QSOX2: variants seen among roughly 807,000 people sequenced by gnomAD.
QSOX2 encodes sulfhydryl oxidase 2.
A neutral mutation model predicts 61.7 loss-of-function variants in QSOX2; 46 were observed. That is an observed-to-expected ratio of 0.75 (90% CI 0.59 to 0.95). The LOEUF (loss-of-function observed/expected upper bound fraction) is 0.95. Ranked by LOEUF, QSOX2 falls within the 40% of genes least tolerant of loss-of-function variation. The pLI, the probability that QSOX2 is intolerant of heterozygous loss-of-function variation, is 0.00. For synonymous variants in QSOX2, 383 were observed against 388.4 expected (o/e 0.99, Z 0.16); for missense variants, 879 against 918.9 (o/e 0.96, Z 0.56).
intron 1 of QSOX2, among the ~76,000 whole-genome samples, chr9:136,233,668 G>A (rs1430106554): frequency 2.0e-5 from 3 of 152,240 alleles, no homozygotes; most frequent in Non-Finnish European, 4.4e-5. Context: ...GGTCGTGGAT[G>A]TGGTCAAAAG....
At chr9:136,212,405 C>T (rs771434477) in intron 10 of QSOX2, among the ~76,000 whole-genome samples, 4 of 152,244 alleles carry the variant, frequency 2.6e-5, no homozygotes, top group Admixed American at 6.5e-5. Flanking sequence ...GAGCTTCCCG[C>T]GTGAGTGCAG....
rs369297011 is a variant in QSOX2 at position 136,221,760 on chromosome 9, C to A, written c.821+36G>T. Reference sequence around the variant, plus strand: ...GGAGCCTCTGTCCGGTAACTCCGAGCGGCACGGAGTTCCCAGACCCCACCC... The same window carrying A: ...GGAGCCTCTGTCCGGTAACTCCGAGAGGCACGGAGTTCCCAGACCCCACCC... On this transcript the variant is annotated intron_variant, in intron 6 of 11. Transcript: ENST00000358701. This position sits in a 1 kb window ranked among gnomAD's most constrained non-coding sequence, Gnocchi z 4.5. 8 of 1,553,836 alleles carry A rather than the reference C, an allele frequency of 5.1e-6. No homozygotes were observed. In the East Asian group the frequency reaches 1.2e-4, roughly 22 times the overall value.
intron 11 of QSOX2, chr9:136,210,833 A>ATT: frequency 1.0e-6 from 1 of 975,678 alleles, no homozygotes; most frequent in Non-Finnish European, 1.2e-6. Flanking sequence ...CTATTTAATT[A>ATT]TTTTTTTTTA....
At chr9:136,229,594 C>A (rs1221591895) in intron 1 of QSOX2, among the ~76,000 whole-genome samples, 1 of 152,192 alleles carries the variant, frequency 6.6e-6, no homozygotes, top group African/African-American at 2.4e-5. Flanking sequence ...GCACACACAA[C>A]AGAATCACGG....
At chr9:136,229,457 T>C (rs1163459742) in intron 1 of QSOX2, among the ~76,000 whole-genome samples, 1 of 152,270 alleles carries the variant, frequency 6.6e-6, no homozygotes, top group Non-Finnish European at 1.5e-5. Context: ...CAATTCCACA[T>C]GGTTTCATTC....
chr9:136,211,618 C>A (rs1328800049), intron 10 of QSOX2, among the ~76,000 whole-genome samples, 166 bp from the exon 11 acceptor site: 4 of 152,198 alleles, frequency 2.6e-5, no homozygotes, highest in Non-Finnish European at 5.9e-5. Flanking sequence ...CCAGCACCTG[C>A]CAAGATGTCC....
Position 136,221,819 on chromosome 9 carries a change from AT to A in QSOX2, c.797del (p.Asn266MetfsTer6). On this transcript the variant is annotated frameshift_variant, in exon 6 of 12. Coordinates refer to ENST00000358701, the MANE Select transcript of QSOX2 (RefSeq NM_181701.4). LOFTEE classifies it high-confidence loss of function. The surrounding 1 kb of genome is among the most constrained non-coding windows in gnomAD (Gnocchi z 4.5). ...SVPSCYLIYP[N>X]GSHGLINVVK... The stretch of plus-strand genomic sequence containing the variant: ...ACACGTTAATCAATCCATGCGACCC[AT>A]TTGGGTAGATCAGGTAACACGAAGG... The A allele has an allele frequency of 1.2e-6, 2 of 1,611,112 alleles. No individual in the cohort carries two copies. Among genetic ancestry groups the A allele is most frequent in the Non-Finnish European group, 1.7e-6 (2 of 1,178,686 alleles).
At chr9:136,240,079 CCAG>C (rs1830422363) in intron 1 of QSOX2, among the ~76,000 whole-genome samples, 1 of 146,606 alleles carries the variant, frequency 6.8e-6, no homozygotes, top group African/African-American at 2.7e-5. Context: ...GGGGTTAGAG[CCAG>C]CTGAGAGGCA....
At chr9:136,239,847 C>T (rs568700653) in intron 1 of QSOX2, among the ~76,000 whole-genome samples, 3 of 152,348 alleles carry the variant, frequency 2.0e-5, no homozygotes, top group East Asian at 1.9e-4. Flanking sequence ...GCTGAACAGG[C>T]GCCAGGAGTA....
chr9:136,215,968 T>C (rs1831907368), intron 9 of QSOX2, among the ~76,000 whole-genome samples: 1 of 152,276 alleles, frequency 6.6e-6, no homozygotes, highest in African/African-American at 2.4e-5. Context: ...CGGCACCGTC[T>C]GCTTCTCAGC....
rs145787298 is a variant in QSOX2, at chr9:136,221,508, T to A, written c.821+288A>T. Among the ~76,000 whole-genome samples the A allele has an allele frequency of 6.6e-6, 1 of 152,212 alleles. No individual in the cohort carries two copies. The highest frequency in any genetic ancestry group is 2.4e-5 in the African/African-American group (1 of 41,458). On this transcript the variant is annotated intron_variant, in intron 6 of 11. Transcript: ENST00000358701. This position sits in a 1 kb window ranked among gnomAD's most constrained non-coding sequence, Gnocchi z 4.5. The stretch of plus-strand genomic sequence containing the variant: ...CAAAGCCCCGGCCCAGCAGCCCTCA[T>A]GCATGTGCTGGTTTAGCCACGGTTT...
intron 7 of QSOX2, 30 bp downstream of exon 7, chr9:136,219,000 C>CG (rs776856025): frequency 1.9e-6 from 3 of 1,612,924 alleles, no homozygotes; most frequent in Admixed American, 1.7e-5. Flanking sequence ...GCACTGTCTC[C>CG]GGGGGCTTCA....
Position 136,211,198 on chromosome 9 carries a change from T to C in QSOX2, c.1549+66A>G, listed in dbSNP as rs1331071351. On this transcript the variant is annotated intron_variant, in intron 11 of 11. Transcript: ENST00000358701. ...AAGCCCCACGGCAGCCGTGCCGTCCTTGCTGTCCCAGGACCAGGGCCTCCC... is the reference window on the plus strand; with the variant it reads ...AAGCCCCACGGCAGCCGTGCCGTCCCTGCTGTCCCAGGACCAGGGCCTCCC... 3 of 1,541,350 alleles carry C rather than the reference T, an allele frequency of 1.9e-6. No homozygotes were observed. The African/African-American group carries it at 4.1e-5, about 21-fold the overall frequency.
chr9:136,208,422 G>T lies in QSOX2; in HGVS notation c.*306C>A. 1 of 283,002 alleles carries T rather than the reference G, an allele frequency of 3.5e-6. No homozygotes were observed. Among genetic ancestry groups the T allele is most frequent in the Non-Finnish European group, 6.6e-6 (1 of 151,382 alleles). 17.5% of individuals were successfully genotyped at this position (283,002 alleles called of 1,614,324 possible). ...GGGAAGACTATCTGGCCTGGACTCT[G>T]CACCCTCTTTTCACATCTAGAAGAG... On this transcript the variant is annotated 3_prime_UTR_variant, in exon 12 of 12. Transcript: ENST00000358701.
In QSOX2 at chr9:136,223,062, C is replaced by T. The variant is rs2131057742; in HGVS notation, c.675+701G>A. On this transcript the variant is annotated intron_variant, in intron 5 of 11. Coordinates refer to ENST00000358701, the MANE Select transcript of QSOX2 (RefSeq NM_181701.4). This position sits in a 1 kb window ranked among gnomAD's most constrained non-coding sequence, Gnocchi z 4.4. ...TCTGCAGCTGCCTTCCCAAGTGCGT[C>T]TCCAAAAGCCCTCGCAGGGGCAAAG... 6.6e-6 allele frequency among the ~76,000 whole-genome samples: 1 copy of T among 152,370 alleles called. No individual in the cohort carries two copies. Among genetic ancestry groups the T allele is most frequent in the Admixed American group, 6.5e-5 (1 of 15,306 alleles).
intron 1 of QSOX2, among the ~76,000 whole-genome samples, chr9:136,228,983 G>A (rs1425512038): frequency 1.3e-5 from 2 of 152,106 alleles, no homozygotes; most frequent in African/African-American, 2.4e-5. Flanking sequence ...ACCAGACTCT[G>A]TACAAATATG....
At chr9:136,224,995 G>C in intron 2 of QSOX2, 86 bp from the exon 3 acceptor site, 1 of 889,142 alleles carries the variant, frequency 1.1e-6, no homozygotes, top group East Asian at 2.7e-5. Context: ...CGTCACCTTA[G>C]AGGGAGCTTT....
At chr9:136,244,400 T>C (rs1432747219) in intron 1 of QSOX2, among the ~76,000 whole-genome samples, 1 of 152,184 alleles carries the variant, frequency 6.6e-6, no homozygotes, top group Non-Finnish European at 1.5e-5. Flanking sequence ...TACAGTAACA[T>C]ACAAAAGCCC....
intron 2 of QSOX2, among the ~76,000 whole-genome samples, chr9:136,225,444 G>C (rs536640142): frequency 6.6e-6 from 1 of 152,332 alleles, no homozygotes; most frequent in African/African-American, 2.4e-5. Context: ...CAGCTAAGAG[G>C]GAAACGTGCA....
Sources: allele counts gnomAD v4.1 joint callset (sites outside exome capture counted in the v4.1 genomes callset), GRCh38; gene constraint gnomAD v4.1.1; non-coding constraint Gnocchi (gnomAD v3.1); transcripts MANE v1.5; gene names NCBI Gene and HGNC (gene_info 2026-07-23, HGNC 2026-07-21).